Variants in TLL1 observed in about 807,000 individuals in gnomAD.
TLL1 encodes tolloid-like protein 1.
In TLL1, 49 loss-of-function variants were observed where a neutral mutation model predicts 128.2. The observed-to-expected ratio is 0.38, with a 90% CI of 0.30 to 0.48. The LOEUF (loss-of-function observed/expected upper bound fraction) is 0.48. TLL1 is among the 20% of genes least tolerant of loss of function. The pLI is 0.96. For missense variants in TLL1, 1,123 were observed against 1,242.0 expected (o/e 0.90, Z 1.44); for synonymous variants, 454 against 418.8 (o/e 1.08, Z -1.03).
At chr4:165,992,470 A>C (rs1736690399) in intron 2 of TLL1, among the ~76,000 whole-genome samples, 1 of 152,086 alleles carries the variant, frequency 6.6e-6, no homozygotes, top group Non-Finnish European at 1.5e-5. Flanking sequence ...ACAGGGCAGA[A>C]CAACTTGCTG....
At chr4:166,054,920 A>C (rs1284469452) in intron 12 of TLL1, among the ~76,000 whole-genome samples, 156 bp from the exon 13 acceptor site, 3 of 152,172 alleles carry the variant, frequency 2.0e-5, no homozygotes, top group Non-Finnish European at 4.4e-5. Context: ...TGGATATTAC[A>C]GTGTACGTTC....
chr4:165,910,261 G>C (rs1194050303), intron 1 of TLL1, among the ~76,000 whole-genome samples: 1 of 152,178 alleles, frequency 6.6e-6, no homozygotes, highest in African/African-American at 2.4e-5. Flanking sequence ...CTAGATACAG[G>C]AGTAACTTCT....
At chr4:165,898,445 G>A (rs1271446440) in intron 1 of TLL1, among the ~76,000 whole-genome samples, 2 of 152,112 alleles carry the variant, frequency 1.3e-5, no homozygotes, top group Admixed American at 6.5e-5. Flanking sequence ...ATGAAGTCGT[G>A]TTGAATTTTA....
chr4:166,091,987 T>A (rs1175315304), intron 19 of TLL1, among the ~76,000 whole-genome samples: 4 of 151,982 alleles, frequency 2.6e-5, no homozygotes, highest in Non-Finnish European at 2.9e-5. Flanking sequence ...TTGGAGACAG[T>A]TTAGTTATAT....
At chr4:166,049,028 C>A (rs976752306) in intron 12 of TLL1, among the ~76,000 whole-genome samples, 2 of 152,080 alleles carry the variant, frequency 1.3e-5, no homozygotes, top group African/African-American at 4.8e-5. Flanking sequence ...TGTGAGTGAA[C>A]TAAAAAGCCG....
At chr4:166,076,626 C>T (rs1178754243) in intron 17 of TLL1, among the ~76,000 whole-genome samples, 1 of 152,132 alleles carries the variant, frequency 6.6e-6, no homozygotes, top group Non-Finnish European at 1.5e-5. Context: ...TGCAGTTTAG[C>T]AATGAGCCTC....
intron 18 of TLL1, among the ~76,000 whole-genome samples, chr4:166,078,264 A>G (rs1560856793): frequency 6.6e-6 from 1 of 152,162 alleles, no homozygotes. Flanking sequence ...AAAAGGCATT[A>G]CCAAAGTTGC....
At chr4:166,079,188 A>C (rs1270014198) in intron 18 of TLL1, among the ~76,000 whole-genome samples, 4 of 152,154 alleles carry the variant, frequency 2.6e-5, no homozygotes, top group Non-Finnish European at 1.5e-5. Flanking sequence ...TGATTCCCTG[A>C]ACCTTATGGT....
chr4:165,985,536 G>A (rs985178891), intron 1 of TLL1, among the ~76,000 whole-genome samples: 1 of 151,766 alleles, frequency 6.6e-6, no homozygotes, highest in African/African-American at 2.4e-5. Flanking sequence ...TTATAAATTC[G>A]TACATATTTT....
intron 8 of TLL1, among the ~76,000 whole-genome samples, chr4:166,024,045 C>A (rs1210688858): frequency 6.6e-6 from 1 of 151,910 alleles, no homozygotes; most frequent in African/African-American, 2.4e-5. Flanking sequence ...CTTCTTTTAA[C>A]CTTACATTTG....
intron 1 of TLL1, among the ~76,000 whole-genome samples, chr4:165,909,288 A>G (rs767694214): frequency 6.6e-6 from 1 of 152,226 alleles, no homozygotes; most frequent in Non-Finnish European, 1.5e-5. Context: ...CTAAGAAATG[A>G]GGAGGCCAGG....
At chr4:165,947,114 A>T (rs2110932899) in intron 1 of TLL1, among the ~76,000 whole-genome samples, 1 of 152,248 alleles carries the variant, frequency 6.6e-6, no homozygotes, top group African/African-American at 2.4e-5. Context: ...TCCAAGATCA[A>T]GTAGGCAAAG....
In TLL1 at chr4:165,885,654, G is replaced by A. The variant is rs1191942515; in HGVS notation, c.169+11581G>A. On this transcript the variant is annotated intron_variant, in intron 1 of 20. Coordinates refer to ENST00000061240, the MANE Select transcript of TLL1 (RefSeq NM_012464.5). The stretch of plus-strand genomic sequence containing the variant: ...TATGTGAGAATAGCAGATATCTTAC[G>A]TGTGTATCAGAGCATGTTAGTGTCA... Among the ~76,000 whole-genome samples, 4 of 152,096 alleles carry A rather than the reference G, an allele frequency of 2.6e-5. No individual in the cohort carries two copies. In the East Asian group the frequency reaches 7.7e-4, roughly 29 times the overall value.
chr4:165,925,109 T>C (rs187665451), intron 1 of TLL1, among the ~76,000 whole-genome samples: 2 of 152,358 alleles, frequency 1.3e-5, no homozygotes, highest in African/African-American at 4.8e-5. Flanking sequence ...GTTTTCACAC[T>C]GCTAACACAA....
chr4:165,882,827 A>G (rs1355260520), intron 1 of TLL1, among the ~76,000 whole-genome samples: 1 of 151,892 alleles, frequency 6.6e-6, no homozygotes, highest in Non-Finnish European at 1.5e-5. Context: ...CATATTGGTC[A>G]GGCTGGTCTC....
intron 12 of TLL1, among the ~76,000 whole-genome samples, chr4:166,051,616 A>G (rs546109216): frequency 6.6e-6 from 1 of 152,312 alleles, no homozygotes; most frequent in Admixed American, 6.5e-5. Context: ...CTGATGAAGT[A>G]TAATTATGAT....
rs144601715 is a variant in TLL1, at chr4:166,065,583, G to A, written c.2008-100G>A. 5.8e-4 allele frequency: 776 copies of A among 1,334,722 alleles called. 2 individuals are homozygous for A. The highest frequency in any genetic ancestry group is 1.3e-3 in the South Asian group (100 of 79,674). 82.7% of individuals were successfully genotyped at this position (1,334,722 alleles called of 1,614,324 possible). On this transcript the variant is annotated intron_variant, in intron 15 of 20. Coordinates refer to ENST00000061240, the MANE Select transcript of TLL1 (RefSeq NM_012464.5). ...ACCTGTTAGTTCTAGTTTGACTACC[G>A]TAAGAGTAAAATGGGAAAAATAAGA...
At chr4:166,041,891 C>A in intron 10 of TLL1, 136 bp from the exon 11 acceptor site, 1 of 634,020 alleles carries the variant, frequency 1.6e-6, no homozygotes, top group Non-Finnish European at 2.9e-6. Context: ...ATTTAAGGCA[C>A]AGTTGTGGCT....
chr4:166,087,820 GTTA>G (rs775823701), intron 18 of TLL1, among the ~76,000 whole-genome samples: 8 of 152,092 alleles, frequency 5.3e-5, no homozygotes, highest in Non-Finnish European at 1.2e-4. Flanking sequence ...CAGAAATAAA[GTTA>G]TTATTTCCAC....
Sources: allele counts gnomAD v4.1 joint callset (sites outside exome capture counted in the v4.1 genomes callset), GRCh38; gene constraint gnomAD v4.1.1; transcripts MANE v1.5; gene names NCBI Gene and HGNC (gene_info 2026-07-23, HGNC 2026-07-21).